Variants in EGFLAM observed in about 807,000 individuals in gnomAD.
The protein encoded by EGFLAM is pikachurin.
In EGFLAM, 79 loss-of-function variants were observed where a neutral mutation model predicts 113.1. The observed-to-expected ratio is 0.70, with a 90% CI of 0.58 to 0.84. The LOEUF (loss-of-function observed/expected upper bound fraction) is 0.84, where lower values mean the gene tolerates loss of function less well. EGFLAM is among the 40% of genes least tolerant of loss of function. EGFLAM has a pLI of 0.00. For missense variants in EGFLAM, 1,265 were observed against 1,291.6 expected (o/e 0.98, Z 0.32); for synonymous variants, 504 against 487.6 (o/e 1.03, Z -0.44).
In EGFLAM at chr5:38,409,543, G is replaced by A. The variant is rs529301303; in HGVS notation, c.1349+439G>A. On this transcript the variant is annotated intron_variant, in intron 10 of 21. Coordinates refer to ENST00000322350, the MANE Select transcript of EGFLAM (RefSeq NM_152403.4). ...GGTACTGTTGGATGTAACTGGTGCT[G>A]TAGGTGCTGCTGAATGTTTCTTGAG... 3.3e-5 allele frequency among the ~76,000 whole-genome samples: 5 copies of A among 152,332 alleles called. No individual in the cohort carries two copies. The South Asian group carries it at 1.0e-3, about 32-fold the overall frequency.
At chr5:38,441,180 C>T (rs1323801473) in intron 17 of EGFLAM, among the ~76,000 whole-genome samples, 1 of 152,204 alleles carries the variant, frequency 6.6e-6, no homozygotes, top group African/African-American at 2.4e-5. Context: ...GCAGTGGCCA[C>T]TGCAGAAACT....
In EGFLAM at chr5:38,454,569, G is replaced by A. The variant is rs558564482; in HGVS notation, c.2687+3111G>A. 1.9e-4 allele frequency among the ~76,000 whole-genome samples: 29 copies of A among 152,280 alleles called. No homozygotes were observed. The South Asian group carries it at 5.0e-3, about 26-fold the overall frequency. ...CTTTACCTCAGAGAGAGAACACGTA[G>A]TTATTATTAAAATGTAGTTCTTATT... On this transcript the variant is annotated intron_variant, in intron 19 of 21. Transcript: ENST00000322350.
intron 11 of EGFLAM, among the ~76,000 whole-genome samples, chr5:38,413,420 C>T (rs1741547147): frequency 6.6e-6 from 1 of 151,736 alleles, no homozygotes; most frequent in Non-Finnish European, 1.5e-5. Flanking sequence ...GAAAGGTTCA[C>T]TTGGTTCAAA....
chr5:38,381,704 C>CACTCTG (rs977151011), intron 6 of EGFLAM, among the ~76,000 whole-genome samples: 2 of 152,164 alleles, frequency 1.3e-5, no homozygotes, highest in Non-Finnish European at 2.9e-5. Flanking sequence ...TTTAGGGGAA[C>CACTCTG]ACTCTGACTC....
intron 3 of EGFLAM, among the ~76,000 whole-genome samples, chr5:38,339,064 T>C (rs539146639): frequency 6.6e-6 from 1 of 152,324 alleles, no homozygotes; most frequent in East Asian, 1.9e-4. Context: ...AGCTGGTTTT[T>C]CCCCTTCTTT....
Position 38,427,100 on chromosome 5 carries a change from C to A in EGFLAM, c.1902C>A (p.Phe634Leu), listed in dbSNP as rs1403161875. The A allele has an allele frequency of 2.5e-6, 4 of 1,614,146 alleles. No homozygotes were observed. The highest frequency in any genetic ancestry group is 3.4e-6 in the Non-Finnish European group (4 of 1,180,028). Residue 634 changes from phenylalanine to leucine, a missense_variant, in exon 14 of 22, where the codon TTC becomes TTA. Transcript: ENST00000322350. ...WPLEPQHYLS[F>L]MEFEITFRPD... ...TGGAGCCCCAGCATTACCTTTCCTTCATGGAATTTGAGATCACATTTCGGC... is the reference window on the plus strand; with the variant it reads ...TGGAGCCCCAGCATTACCTTTCCTTAATGGAATTTGAGATCACATTTCGGC...
chr5:38,426,874 C>G (rs1344431009), intron 13 of EGFLAM, 135 bp from the exon 14 acceptor site: 1 of 1,359,102 alleles, frequency 7.4e-7, no homozygotes, highest in Non-Finnish European at 1.0e-6. Flanking sequence ...TTCAGTCACA[C>G]CACCAACCTA....
chr5:38,426,811 G>A (rs1561085953), intron 13 of EGFLAM, among the ~76,000 whole-genome samples, 198 bp from the exon 14 acceptor site: 2 of 152,058 alleles, frequency 1.3e-5, no homozygotes, highest in African/African-American at 4.8e-5. Flanking sequence ...AAGTTTTAGG[G>A]GCCAGACTTA....
chr5:38,271,079 T>A (rs1004978520), intron 1 of EGFLAM, among the ~76,000 whole-genome samples: 1 of 152,154 alleles, frequency 6.6e-6, no homozygotes, highest in Non-Finnish European at 1.5e-5. Flanking sequence ...GTTATTGATA[T>A]TGATGAAAGA....
chr5:38,297,806 A>G (rs1758482133), intron 1 of EGFLAM, among the ~76,000 whole-genome samples: 1 of 152,168 alleles, frequency 6.6e-6, no homozygotes, highest in African/African-American at 2.4e-5. Context: ...CTGTACCAGT[A>G]ATTTCTCAGC....
chr5:38,367,170 C>T (rs908331326), intron 5 of EGFLAM, among the ~76,000 whole-genome samples: 4 of 151,936 alleles, frequency 2.6e-5, no homozygotes, highest in African/African-American at 7.3e-5. Flanking sequence ...GTTTTTGAGA[C>T]AGGGTCTCAT....
At chr5:38,463,141 C>T (rs1263814992) in intron 21 of EGFLAM, 130 bp downstream of exon 21, 4 of 855,578 alleles carry the variant, frequency 4.7e-6, no homozygotes, top group Admixed American at 2.9e-5. Context: ...TCCAGATATT[C>T]CATTCCTTCA....
chr5:38,307,308 T>A (rs1459322953), intron 1 of EGFLAM, among the ~76,000 whole-genome samples: 5 of 152,208 alleles, frequency 3.3e-5, no homozygotes, highest in Non-Finnish European at 7.3e-5. Flanking sequence ...GTAGTTCCCA[T>A]AATCCCCATA....
chr5:38,315,774 G>A (rs1364932011), intron 1 of EGFLAM, among the ~76,000 whole-genome samples: 1 of 152,096 alleles, frequency 6.6e-6, no homozygotes, highest in Non-Finnish European at 1.5e-5. Context: ...GAGAATATAT[G>A]TTTAAAATGC....
intron 6 of EGFLAM, among the ~76,000 whole-genome samples, chr5:38,377,798 C>T (rs1040142718): frequency 1.3e-5 from 2 of 152,176 alleles, no homozygotes; most frequent in African/African-American, 4.8e-5. Context: ...AAATTCAAGG[C>T]TGTAAGGATG....
intron 1 of EGFLAM, among the ~76,000 whole-genome samples, chr5:38,310,059 A>G (rs984611284): frequency 6.6e-6 from 1 of 152,234 alleles, no homozygotes; most frequent in African/African-American, 2.4e-5. Flanking sequence ...ACAGAGAAGC[A>G]TTGACACTAG....
intron 1 of EGFLAM, 67 bp from the exon 2 acceptor site, chr5:38,337,453 C>A: frequency 7.2e-7 from 1 of 1,394,416 alleles, no homozygotes; most frequent in Non-Finnish European, 9.8e-7. Flanking sequence ...ACTCTTAAAT[C>A]TTGTGTAAGT....
intron 1 of EGFLAM, among the ~76,000 whole-genome samples, chr5:38,307,474 A>T (rs931674239): frequency 3.9e-5 from 6 of 152,222 alleles, no homozygotes; most frequent in Admixed American, 3.9e-4. Flanking sequence ...CATGTGAAGA[A>T]GGACATGTTT....
At chr5:38,315,945 C>T (rs2589817) in intron 1 of EGFLAM, among the ~76,000 whole-genome samples, 3,969 of 151,954 alleles carry the variant, frequency 0.026, 197 homozygotes, top group African/African-American at 0.09. Flanking sequence ...GGTGTGGTGG[C>T]AGGCACTGGC....
Sources: gnomAD v4.1 joint callset for allele counts (sites outside exome capture counted in the v4.1 genomes callset) on GRCh38, gnomAD v4.1.1 for gene constraint, MANE v1.5 for transcripts, NCBI Gene and HGNC (gene_info 2026-07-23, HGNC 2026-07-21) for gene names.